PSEN2: variants seen among roughly 807,000 people sequenced by gnomAD.
PSEN2 encodes the protein presenilin 2.
A neutral mutation model predicts 49.1 loss-of-function variants in PSEN2; 32 were observed. The observed-to-expected ratio is 0.65, with a 90% CI of 0.49 to 0.88. The LOEUF (loss-of-function observed/expected upper bound fraction) is 0.88. Ranked by LOEUF, PSEN2 falls within the 40% of genes least tolerant of loss-of-function variation. The probability of loss-of-function intolerance (pLI) is 0.00; values close to 1 mark genes in which losing one functional copy is unlikely to be tolerated. For missense variants in PSEN2, 522 were observed against 586.9 expected, an observed-to-expected ratio of 0.89 and a Z score of 1.14; for synonymous variants, 255 against 244.0, an observed-to-expected ratio of 1.05 and a Z score of -0.42.
rs746463508 is a variant in PSEN2, at chr1:226,883,698, C to G, written c.142-7C>G. ...TTCTGCGGCCCTCACGATGTGGTTT[C>G]CCACAGAGAAGCCAGGAGAACGAGG... On this transcript the variant is annotated splice_region_variant and splice_polypyrimidine_tract_variant and intron_variant, in intron 4 of 12. Coordinates refer to ENST00000366783, the MANE Select transcript of PSEN2 (RefSeq NM_000447.3). The G allele has an allele frequency of 2.4e-5, 39 of 1,613,326 alleles. No homozygotes were observed. The East Asian group carries it at 8.7e-4, about 36-fold the overall frequency.
chr1:226,900,522 C>G (rs1662284115), downstream of PSEN2, among the ~76,000 whole-genome samples: 1 of 152,136 alleles, frequency 6.6e-6, no homozygotes, highest in Non-Finnish European at 1.5e-5. Flanking sequence ...CCTGTGGTCA[C>G]CCGCTGAGAA....
chr1:226,872,060 T>C (rs897708295), intron 2 of PSEN2, among the ~76,000 whole-genome samples: 1 of 152,206 alleles, frequency 6.6e-6, no homozygotes, highest in Non-Finnish European at 1.5e-5. Flanking sequence ...GAGTCCAGCA[T>C]GTTCACATGT....
downstream of PSEN2, chr1:226,898,807 G>C (rs959389043): frequency 6.6e-6 from 1 of 152,006 alleles, no homozygotes; most frequent in African/African-American, 2.4e-5. Flanking sequence ...GTAGAGATGG[G>C]GTTTCACCGT....
intron 2 of PSEN2, among the ~76,000 whole-genome samples, chr1:226,872,272 G>A (rs758360120): frequency 2.0e-5 from 3 of 152,188 alleles, no homozygotes; most frequent in Non-Finnish European, 4.4e-5. Flanking sequence ...TGTTAATAAT[G>A]ACATATATCT....
rs75357954 is a variant in PSEN2, at chr1:226,891,306, G to A, written c.915G>A (p.Ala305=). 6 of 1,613,974 alleles carry A rather than the reference G, an allele frequency of 3.7e-6. No individual in the cohort carries two copies. The highest frequency in any genetic ancestry group is 2.7e-5 in the African/African-American group (2 of 75,040). Residue 305 remains alanine (A), a synonymous_variant, in exon 10 of 13, where the codon GCG becomes GCA. Transcript: ENST00000366783. ...SSAMVWTVGM[A]KLDPSSQGAL... is the part of the protein sequence containing the mutation. ...CCATGGTGTGGACGGTTGGCATGGC[G>A]AAGCTGGACCCCTCCTCTCAGGGTG...
chr1:226,895,884 C>T lies in PSEN2; in HGVS notation c.*305C>T, dbSNP rs1211028461. ...AGCATCCGGCATGAGGGCTGAGATG[C>T]GCAAAGAGTGTGCTCGGGAGTGGCC... On this transcript the variant is annotated 3_prime_UTR_variant, in exon 13 of 13. Transcript: ENST00000366783. 7 of 465,238 alleles carry T rather than the reference C, an allele frequency of 1.5e-5. No individual in the cohort carries two copies. The highest frequency in any genetic ancestry group is 4.3e-5 in the South Asian group (2 of 46,260). The allele number at this position is 465,238 out of a possible 1,614,324, so 28.8% of individuals were successfully genotyped here. A position where few individuals can be genotyped will look rare whatever the true frequency, so the allele number is the denominator to read the frequency against.
At position 226,885,564 on chromosome 1, in the gene PSEN2, C is replaced by T. The variant is rs752002301; in HGVS notation, c.383C>T (p.Thr128Ile). ...ATCTACACGCCATTCACTGAGGACA[C>T]ACCCTCGGTGGGCCAGCGCCTCCTC... ...QLIYTPFTEDTPSVGQRLLNS... is the reference protein window; with the variant it reads ...QLIYTPFTEDIPSVGQRLLNS... The change falls in exon 6 of 13, where the codon ACA becomes ATA. Residue 128 changes from threonine to isoleucine, a missense_variant. By Grantham distance (89) the Thr-to-Ile change is moderately conservative. Transcript: ENST00000366783. 8 of 1,613,946 alleles carry T rather than the reference C, an allele frequency of 5.0e-6. No individual in the cohort carries two copies. Among genetic ancestry groups the T allele is most frequent in the Non-Finnish European group, 6.8e-6 (8 of 1,180,026 alleles).
chr1:226,899,179 C>T (rs908149624), downstream of PSEN2: 8 of 152,138 alleles, frequency 5.3e-5, no homozygotes, highest in African/African-American at 1.9e-4. Flanking sequence ...GCCATTGAAT[C>T]TTGTTTTAAG....
chr1:226,887,587 G>A (rs1558148326), intron 6 of PSEN2, among the ~76,000 whole-genome samples: 1 of 152,144 alleles, frequency 6.6e-6, no homozygotes, highest in Non-Finnish European at 1.5e-5. Context: ...GTTCTCTGTT[G>A]AGGCCACTCT....
intron 3 of PSEN2, 42 bp from the exon 4 acceptor site, chr1:226,881,846 T>G: frequency 1.2e-6 from 2 of 1,613,432 alleles, no homozygotes; most frequent in South Asian, 2.2e-5. Flanking sequence ...TGCCTTTGTC[T>G]CACAGGAAAG....
At chr1:226,894,779 A>G (rs930558553) in intron 12 of PSEN2, among the ~76,000 whole-genome samples, 1 of 152,204 alleles carries the variant, frequency 6.6e-6, no homozygotes, top group Admixed American at 6.5e-5. Context: ...GCATGGCATG[A>G]TTAAGGTTGA....
intron 3 of PSEN2, among the ~76,000 whole-genome samples, chr1:226,877,084 G>C (rs1265457613): frequency 1.3e-5 from 2 of 152,204 alleles, no homozygotes; most frequent in Non-Finnish European, 2.9e-5. Flanking sequence ...GCCAAGCAGT[G>C]AGAGGGTGAA....
At chr1:226,881,281 C>A (rs1160280283) in intron 3 of PSEN2, among the ~76,000 whole-genome samples, 1 of 152,134 alleles carries the variant, frequency 6.6e-6, no homozygotes, top group African/African-American at 2.4e-5. Flanking sequence ...TGCCTGAGAC[C>A]CTGATCATCT....
intron 3 of PSEN2, among the ~76,000 whole-genome samples, chr1:226,877,927 TCA>T (rs1355686153): frequency 6.6e-6 from 1 of 152,164 alleles, no homozygotes; most frequent in African/African-American, 2.4e-5. Flanking sequence ...GGTCACCAGG[TCA>T]CTGTCTAGAC....
intron 9 of PSEN2, 89 bp downstream of exon 9, chr1:226,890,222 A>G: frequency 2.6e-6 from 3 of 1,134,664 alleles, no homozygotes; most frequent in Non-Finnish European, 4.0e-6. Context: ...CGTGGCTTTC[A>G]GAGTTGACTG....
At position 226,881,863 on chromosome 1, in the gene PSEN2, A is replaced by ATCC. The variant is rs749928497; in HGVS notation, c.-20-25_-20-24insTCC. 240 of 1,614,160 alleles carry ATCC rather than the reference A, an allele frequency of 1.5e-4. 1 individual carries two copies. The Admixed American group carries it at 1.8e-3, about 12-fold the overall frequency. ...CCTTTGTCTCACAGGAAAGTGGAAC[A>ATCC]AGGTCCTTGTGCTCCTTTTTCCAGG... On this transcript the variant is annotated intron_variant, in intron 3 of 12. Transcript: ENST00000366783.
In PSEN2 at chr1:226,883,911, T is replaced by C. The variant is rs201119121; in HGVS notation, c.348T>C (p.Asn116=). The C allele has an allele frequency of 5.5e-5, 73 of 1,322,066 alleles. 3 individuals carry two copies. In the South Asian group the frequency reaches 8.4e-4, roughly 15 times the overall value. The allele number at this position is 1,322,066 out of a possible 1,614,324, so 81.9% of individuals were successfully genotyped here. ...CTGTGCGCTTCTACACAGAGAAGAA[T>C]GGACAGCTGTGAGTTGGGGGGCTGG... ...IKSVRFYTEK[N]GQLIYTPFTE... The change falls in exon 5 of 13, where the codon AAT becomes AAC. Residue 116 remains asparagine, a synonymous_variant. Coordinates refer to ENST00000366783, the MANE Select transcript of PSEN2 (RefSeq NM_000447.3).
chr1:226,894,358 AGTGTACCGGCCCCAGCGT>A (rs1661976552), intron 12 of PSEN2, among the ~76,000 whole-genome samples: 1 of 152,128 alleles, frequency 6.6e-6, no homozygotes. Flanking sequence ...GAGGGTGAGG[AGTGTACCGGCCCCAGCGT>A]GGCTGAGCAC....
intron 12 of PSEN2, 116 bp from the exon 13 acceptor site, chr1:226,895,308 C>T: frequency 2.5e-6 from 3 of 1,179,502 alleles, no homozygotes; most frequent in Non-Finnish European, 3.7e-6. Flanking sequence ...GGGTGTCTAG[C>T]GCCGTTATCC....
Sources: gnomAD v4.1 joint callset for allele counts (sites outside exome capture counted in the v4.1 genomes callset) on GRCh38, gnomAD v4.1.1 for gene constraint, MANE v1.5 for transcripts, NCBI Gene and HGNC (gene_info 2026-07-23, HGNC 2026-07-21) for gene names.